NXPH1: variants seen among roughly 807,000 people sequenced by gnomAD.
The protein encoded by NXPH1 is neurexophilin 1.
Under a neutral mutation model 23.7 loss-of-function variants are expected in NXPH1, and 5 were observed. The ratio of observed to expected loss-of-function variants is 0.21; its 90% CI spans 0.11 to 0.44. NXPH1 has a LOEUF of 0.44. Ranked by LOEUF, NXPH1 falls within the 20% of genes least tolerant of loss-of-function variation. The pLI, the probability that NXPH1 is intolerant of heterozygous loss-of-function variation, is 0.99. For missense variants in NXPH1, 324 were observed against 321.6 expected, an observed-to-expected ratio of 1.01 and a Z score of -0.06; for synonymous variants, 144 against 122.2, an observed-to-expected ratio of 1.18 and a Z score of -1.18.
At chr7:8,586,445 C>T (rs966772988) in intron 2 of NXPH1, among the ~76,000 whole-genome samples, 23 of 151,958 alleles carry the variant, frequency 1.5e-4, no homozygotes, top group East Asian at 7.7e-4. Context: ...CAAGTAGAGA[C>T]CACAGGATCT....
chr7:8,703,348 C>T (rs996949249), intron 2 of NXPH1, among the ~76,000 whole-genome samples: 1 of 152,026 alleles, frequency 6.6e-6, no homozygotes, highest in Non-Finnish European at 1.5e-5. Flanking sequence ...TTTCTCAGTC[C>T]CCTAATTTAA....
chr7:8,732,784 G>T (rs971692245), intron 2 of NXPH1, among the ~76,000 whole-genome samples: 2 of 152,110 alleles, frequency 1.3e-5, no homozygotes, highest in Non-Finnish European at 2.9e-5. Flanking sequence ...TCAGTGAGTG[G>T]TGAGGAAATG....
chr7:8,675,012 G>A (rs777295356), intron 2 of NXPH1, among the ~76,000 whole-genome samples: 3 of 152,070 alleles, frequency 2.0e-5, no homozygotes, highest in Non-Finnish European at 4.4e-5. Context: ...TTCCTACCAG[G>A]GCTGACAGGT....
At chr7:8,500,075 G>A (rs6463815) in intron 2 of NXPH1, among the ~76,000 whole-genome samples, 96,759 of 151,956 alleles carry the variant, frequency 0.64, 31,149 homozygotes, top group East Asian at 0.81. Flanking sequence ...CTTTTCATAT[G>A]TTTGTGAGTT....
At chr7:8,595,531 G>T (rs1000593676) in intron 2 of NXPH1, among the ~76,000 whole-genome samples, 1 of 152,116 alleles carries the variant, frequency 6.6e-6, no homozygotes. Flanking sequence ...CTTAAACATT[G>T]TAAGTATGAA....
At chr7:8,743,247 G>C (rs969724968) in intron 2 of NXPH1, among the ~76,000 whole-genome samples, 1 of 152,030 alleles carries the variant, frequency 6.6e-6, no homozygotes, top group Non-Finnish European at 1.5e-5. Flanking sequence ...ATTTTTCAAA[G>C]CAATCTTGAG....
chr7:8,475,407 T>G (rs1816953032), intron 2 of NXPH1, among the ~76,000 whole-genome samples: 1 of 152,136 alleles, frequency 6.6e-6, no homozygotes, highest in East Asian at 1.9e-4. Context: ...TGGGAAAATT[T>G]GGTATTAGGT....
At chr7:8,709,210 G>A (rs1779749889) in intron 2 of NXPH1, among the ~76,000 whole-genome samples, 2 of 152,146 alleles carry the variant, frequency 1.3e-5, no homozygotes, top group Non-Finnish European at 2.9e-5. Context: ...CTTTGGCAGT[G>A]TGTGCTACCA....
chr7:8,700,074 C>T (rs1779598094), intron 2 of NXPH1, among the ~76,000 whole-genome samples: 1 of 152,162 alleles, frequency 6.6e-6, no homozygotes, highest in Non-Finnish European at 1.5e-5. Context: ...TTTCATTACT[C>T]TGCCTGTGAA....
intron 2 of NXPH1, among the ~76,000 whole-genome samples, chr7:8,473,380 C>T (rs191005022): frequency 2.2e-4 from 34 of 152,228 alleles, no homozygotes; most frequent in Non-Finnish European, 4.1e-4. Context: ...TATTGATTTT[C>T]GCATGGTGAC....
chr7:8,706,632 T>A (rs1485191715), intron 2 of NXPH1, among the ~76,000 whole-genome samples: 1 of 152,194 alleles, frequency 6.6e-6, no homozygotes, highest in Non-Finnish European at 1.5e-5. Context: ...TCAGCCATTC[T>A]CATTCCGACT....
At chr7:8,656,187 C>T (rs1487146694) in intron 2 of NXPH1, among the ~76,000 whole-genome samples, 2 of 152,126 alleles carry the variant, frequency 1.3e-5, no homozygotes, top group African/African-American at 2.4e-5. Flanking sequence ...GTAGCAAAGG[C>T]AAAATATTCT....
intron 2 of NXPH1, among the ~76,000 whole-genome samples, chr7:8,452,068 G>T (rs1032700216): frequency 2.0e-5 from 3 of 152,316 alleles, no homozygotes; most frequent in African/African-American, 7.2e-5. Flanking sequence ...CCACTCAGAT[G>T]TCCCGCGGTT....
chr7:8,475,860 T>C (rs1816961344), intron 2 of NXPH1, among the ~76,000 whole-genome samples: 1 of 152,210 alleles, frequency 6.6e-6, no homozygotes. Flanking sequence ...AAATGTTATC[T>C]TGAACTGGCA....
chr7:8,741,569 T>A (rs899536340), intron 2 of NXPH1, among the ~76,000 whole-genome samples: 1 of 152,140 alleles, frequency 6.6e-6, no homozygotes, highest in African/African-American at 2.4e-5. Flanking sequence ...GCACTGATTA[T>A]TGTTTGACCT....
In NXPH1 at chr7:8,442,951, C is replaced by T. The variant is rs1181768272; in HGVS notation, c.54+7184C>T. 6.6e-6 allele frequency among the ~76,000 whole-genome samples: 1 copy of T among 152,238 alleles called. No individual in the cohort carries two copies. Among genetic ancestry groups the T allele is most frequent in the Admixed American group, 6.5e-5 (1 of 15,288 alleles). On this transcript the variant is annotated intron_variant, in intron 2 of 2. Transcript: ENST00000405863. This position sits in a 1 kb window ranked among gnomAD's most constrained non-coding sequence, Gnocchi z 4.6. ...ATCGCGGGCAGGCGGGCGTGGGGCA[C>T]GCCAGGGCCGGGAGAGCGACTCTTC...
At chr7:8,554,582 T>G (rs952438403) in intron 2 of NXPH1, among the ~76,000 whole-genome samples, 2 of 151,732 alleles carry the variant, frequency 1.3e-5, no homozygotes, top group Non-Finnish European at 3.0e-5. Flanking sequence ...TACTTCCACA[T>G]CCTTTCTTAG....
chr7:8,544,945 A>G (rs1218952422), intron 2 of NXPH1, among the ~76,000 whole-genome samples: 1 of 151,528 alleles, frequency 6.6e-6, no homozygotes, highest in Non-Finnish European at 1.5e-5. Context: ...AAGCTATTTG[A>G]CCACTTAGTC....
chr7:8,574,229 C>A (rs762774950), intron 2 of NXPH1, among the ~76,000 whole-genome samples: 15 of 152,044 alleles, frequency 9.9e-5, no homozygotes, highest in Non-Finnish European at 2.1e-4. Context: ...ATAAAATACT[C>A]AAATTTATTT....
Sources: gnomAD v4.1 joint callset for allele counts (sites outside exome capture counted in the v4.1 genomes callset) on GRCh38, gnomAD v4.1.1 for gene constraint, Gnocchi (gnomAD v3.1) non-coding constraint, MANE v1.5 for transcripts, NCBI Gene and HGNC (gene_info 2026-07-23, HGNC 2026-07-21) for gene names.